Variants in DLG5 observed in about 807,000 individuals in gnomAD.
DLG5 encodes discs large MAGUK scaffold protein 5.
In DLG5, 48 loss-of-function variants were observed where a neutral mutation model predicts 189.8. The ratio of observed to expected loss-of-function variants is 0.25; its 90% CI spans 0.20 to 0.32. The LOEUF is 0.32. Ranked by LOEUF, DLG5 falls within the 10% of genes least tolerant of loss-of-function variation. DLG5 has a pLI of 1.00. For missense variants in DLG5, 2,160 were observed against 2,544.7 expected (o/e 0.85, Z 3.25); for synonymous variants, 1,016 against 1,054.1 (o/e 0.96, Z 0.70).
intron 25 of DLG5, 119 bp downstream of exon 25, chr10:77,807,677 T>C (rs2154575174): frequency 8.3e-7 from 1 of 1,208,920 alleles, no homozygotes; most frequent in Non-Finnish European, 1.2e-6. Context: ...CAAGGAATGA[T>C]GATCATGGCC....
At chr10:77,800,824 G>A (rs984928252) in intron 27 of DLG5, among the ~76,000 whole-genome samples, 1 of 152,236 alleles carries the variant, frequency 6.6e-6, no homozygotes, top group African/African-American at 2.4e-5. Context: ...GCTGAAGAGT[G>A]AGAAACTGGA....
chr10:77,846,986 C>T (rs539214385), intron 5 of DLG5, among the ~76,000 whole-genome samples: 2 of 152,170 alleles, frequency 1.3e-5, no homozygotes, highest in Non-Finnish European at 2.9e-5. Flanking sequence ...TCGGCAGAAT[C>T]AGGAGTCTAT....
At chr10:77,808,797 A>C (rs1841604903) in intron 24 of DLG5, among the ~76,000 whole-genome samples, 2 of 152,200 alleles carry the variant, frequency 1.3e-5, no homozygotes, top group Admixed American at 1.3e-4. Flanking sequence ...GTTTACAGGG[A>C]TTAAAAATCA....
Position 77,792,335 on chromosome 10 carries a change from G to C in DLG5, c.*105C>G. On this transcript the variant is annotated 3_prime_UTR_variant, in exon 32 of 32. Coordinates refer to ENST00000372391, the MANE Select transcript of DLG5 (RefSeq NM_004747.4). ...GGTCCTGGTTCCGGATCCTTCCCCC[G>C]CATGTTCATAGACGGACAGACTTCT... The C allele has an allele frequency of 1.7e-6, 2 of 1,156,510 alleles. No homozygotes were observed. The highest frequency in any genetic ancestry group is 1.8e-5 in the Admixed American group (1 of 56,614). 71.6% of individuals were successfully genotyped at this position (1,156,510 alleles called of 1,614,324 possible). A position where few individuals can be genotyped will look rare whatever the true frequency, so the allele number is the denominator to read the frequency against.
At chr10:77,849,402 G>A (rs752487469) in intron 5 of DLG5, among the ~76,000 whole-genome samples, 1 of 152,242 alleles carries the variant, frequency 6.6e-6, no homozygotes, top group Non-Finnish European at 1.5e-5. Context: ...ACTGCCACCT[G>A]AGCATCCCAC....
chr10:77,794,678 G>A (rs1452106233), intron 30 of DLG5, among the ~76,000 whole-genome samples, 171 bp downstream of exon 30: 1 of 152,202 alleles, frequency 6.6e-6, no homozygotes, highest in Non-Finnish European at 1.5e-5. Context: ...TCTGAGTAGG[G>A]GACAGGGCCG....
At chr10:77,795,369 G>A (rs1840857550) in intron 29 of DLG5, among the ~76,000 whole-genome samples, 1 of 152,136 alleles carries the variant, frequency 6.6e-6, no homozygotes, top group Non-Finnish European at 1.5e-5. Context: ...GTCGTCCCAG[G>A]CATCCAGGTG....
At chr10:77,849,240 TACCC>T (rs1843842133) in intron 5 of DLG5, among the ~76,000 whole-genome samples, 1 of 152,268 alleles carries the variant, frequency 6.6e-6, no homozygotes, top group East Asian at 1.9e-4. Flanking sequence ...CAGCACCATT[TACCC>T]TGCAAGGGCC....
chr10:77,940,668 A>C, the DLG5 span, among the ~76,000 whole-genome samples: 92 of 152,206 alleles, frequency 6.0e-4, no homozygotes, highest in Middle Eastern at 0.01. Flanking sequence ...ATGCTGACTT[A>C]CCCGAGGTCC....
chr10:77,836,176 A>T (rs1843125491), intron 7 of DLG5, among the ~76,000 whole-genome samples: 1 of 152,138 alleles, frequency 6.6e-6, no homozygotes, highest in Admixed American at 6.5e-5. Flanking sequence ...AAAGACAAAA[A>T]TACACCAGTA....
intron 1 of DLG5, among the ~76,000 whole-genome samples, chr10:77,902,301 C>T (rs1937803): frequency 0.37 from 55,662 of 151,862 alleles, 10,586 homozygotes; most frequent in Admixed American, 0.46. Flanking sequence ...AGACTGCACC[C>T]GGGGAACCCC....
intron 8 of DLG5, among the ~76,000 whole-genome samples, chr10:77,835,453 CAAAT>C (rs1843078921): frequency 6.6e-6 from 1 of 152,196 alleles, no homozygotes; most frequent in Non-Finnish European, 1.5e-5. Flanking sequence ...CAGAAACCCT[CAAAT>C]AAAAGAGGTC....
At position 77,915,677 on chromosome 10, in the gene DLG5, T is replaced by C. The variant is rs955359713; in HGVS notation, c.304+10540A>G. 3.3e-5 allele frequency among the ~76,000 whole-genome samples: 5 copies of C among 152,310 alleles called. No homozygotes were observed. In the East Asian group the frequency reaches 9.6e-4, roughly 29 times the overall value. ...TAGCAACACTAACATCCCAGCAAAC[T>C]AGCAGTTAGAAGATGTTTCTTTGGG... On this transcript the variant is annotated intron_variant, in intron 1 of 31. Coordinates refer to ENST00000372391, the MANE Select transcript of DLG5 (RefSeq NM_004747.4).
intron 13 of DLG5, 63 bp from the exon 14 acceptor site, chr10:77,824,539 A>C: frequency 1.5e-6 from 2 of 1,316,128 alleles, no homozygotes; most frequent in South Asian, 2.4e-5. Context: ...ACCAGTCAGG[A>C]TCTCTGCCTA....
intron 25 of DLG5, 152 bp downstream of exon 25, chr10:77,807,644 A>G: frequency 2.2e-6 from 2 of 917,734 alleles, no homozygotes; most frequent in Non-Finnish European, 3.3e-6. Context: ...ATCTCAACAT[A>G]AATAAGCGTG....
Position 77,792,099 on chromosome 10 carries a change from C to A in DLG5, c.*341G>T. On this transcript the variant is annotated 3_prime_UTR_variant, in exon 32 of 32. Transcript: ENST00000372391. ...AGCCGTTCAAGTAAACATAAACCAC[C>A]AAATACTTAGAAAAGGCTTGTAAAC... is the stretch of plus-strand genomic sequence containing the variant. 3.4e-6 allele frequency: 1 copy of A among 294,704 alleles called. No homozygotes were observed. Among genetic ancestry groups the A allele is most frequent in the Non-Finnish European group, 6.3e-6 (1 of 157,644 alleles). 18.3% of individuals were successfully genotyped at this position (294,704 alleles called of 1,614,324 possible).
At chr10:77,913,366 A>G (rs1393509008) in intron 1 of DLG5, among the ~76,000 whole-genome samples, 3 of 152,214 alleles carry the variant, frequency 2.0e-5, no homozygotes, top group Non-Finnish European at 4.4e-5. Flanking sequence ...TAAAATCCTG[A>G]TTTTAATAAG....
At chr10:77,818,158 A>G (rs922972463) in intron 17 of DLG5, among the ~76,000 whole-genome samples, 4 of 152,100 alleles carry the variant, frequency 2.6e-5, no homozygotes, top group East Asian at 1.9e-4. Context: ...TAGGCTCACT[A>G]GGAAGAAGTG....
At chr10:77,916,741 C>G (rs1031592457) in intron 1 of DLG5, among the ~76,000 whole-genome samples, 5 of 151,750 alleles carry the variant, frequency 3.3e-5, no homozygotes, top group African/African-American at 1.2e-4. Context: ...ACCATATGAC[C>G]CAGCAAGTTC....
Sources: allele counts gnomAD v4.1 joint callset (sites outside exome capture counted in the v4.1 genomes callset), GRCh38; gene constraint gnomAD v4.1.1; transcripts MANE v1.5; gene names NCBI Gene and HGNC (gene_info 2026-07-23, HGNC 2026-07-21).